Variants in AFG2A observed in about 807,000 individuals in gnomAD.
AFG2A encodes AAA ATPase AFG2A.
the AFG2A span, among the ~76,000 whole-genome samples, chr4:123,051,719 T>A: frequency 0.032 from 4,584 of 144,176 alleles, 143 homozygotes; most frequent in East Asian, 0.16. Context: ...CTGGGTACAC[T>A]ATTCTTCGTT....
chr4:123,234,043 C>T, the AFG2A span, among the ~76,000 whole-genome samples: 9 of 152,142 alleles, frequency 5.9e-5, no homozygotes, highest in African/African-American at 1.7e-4. Flanking sequence ...AATAAGCACA[C>T]GTCTTACATG....
the AFG2A span, among the ~76,000 whole-genome samples, chr4:123,034,787 T>C: frequency 6.6e-6 from 1 of 152,236 alleles, no homozygotes; most frequent in African/African-American, 2.4e-5. Context: ...TCTTAAACTT[T>C]GCTAAAAAAT....
chr4:123,126,785 A>G, the AFG2A span, among the ~76,000 whole-genome samples: 1 of 152,146 alleles, frequency 6.6e-6, no homozygotes, highest in Non-Finnish European at 1.5e-5. Context: ...AGTCAATTAA[A>G]CTTTTTTCCT....
the AFG2A span, among the ~76,000 whole-genome samples, chr4:123,156,021 T>A: frequency 1.3e-5 from 2 of 152,182 alleles, no homozygotes; most frequent in Non-Finnish European, 2.9e-5. Flanking sequence ...GCATGGCAGC[T>A]TCTACCTCTG....
the AFG2A span, chr4:122,935,729 G>C: frequency 6.2e-7 from 1 of 1,604,632 alleles, no homozygotes; most frequent in Non-Finnish European, 8.5e-7. Context: ...CCTGCCCCTA[G>C]AGGAGTGTTA....
the AFG2A span, chr4:122,947,296 G>A: frequency 3.7e-6 from 6 of 1,613,024 alleles, no homozygotes; most frequent in Non-Finnish European, 5.1e-6. Flanking sequence ...CTTGGATGCT[G>A]CTCTCCGAAG....
At chr4:123,033,891 G>A in the AFG2A span, among the ~76,000 whole-genome samples, 1 of 151,992 alleles carries the variant, frequency 6.6e-6, no homozygotes, top group Admixed American at 6.6e-5. Context: ...TTTTTGGGGG[G>A]CATAACTCCC....
the AFG2A span, among the ~76,000 whole-genome samples, chr4:123,214,345 C>T: frequency 3.3e-5 from 5 of 152,052 alleles, no homozygotes; most frequent in Admixed American, 3.3e-4. Flanking sequence ...TTAATGCCCT[C>T]AGTTGCTTTA....
At chr4:122,978,955 C>T in the AFG2A span, among the ~76,000 whole-genome samples, 5 of 152,156 alleles carry the variant, frequency 3.3e-5, no homozygotes, top group Non-Finnish European at 5.9e-5. Context: ...CCTGGGTTCT[C>T]GAGAGTGGAG....
At chr4:123,202,802 T>A in the AFG2A span, among the ~76,000 whole-genome samples, 1 of 152,194 alleles carries the variant, frequency 6.6e-6, no homozygotes, top group South Asian at 2.1e-4. Context: ...GATTCTCCCA[T>A]CTTCTTTTCT....
chr4:123,259,786 A>G, the AFG2A span, among the ~76,000 whole-genome samples: 1,512 of 152,338 alleles, frequency 9.9e-3, 26 homozygotes, highest in African/African-American at 0.033. Flanking sequence ...AAAAAGCAAT[A>G]ACTGGGCTCA....
At chr4:123,191,472 T>C in the AFG2A span, among the ~76,000 whole-genome samples, 1 of 152,042 alleles carries the variant, frequency 6.6e-6, no homozygotes, top group Non-Finnish European at 1.5e-5. Context: ...TGTAATTAGC[T>C]CATGTGAGTG....
At chr4:123,065,886 T>A in the AFG2A span, among the ~76,000 whole-genome samples, 2 of 152,178 alleles carry the variant, frequency 1.3e-5, no homozygotes, top group African/African-American at 4.8e-5. Flanking sequence ...TATTCTGTTT[T>A]GTAACACTAA....
chr4:123,190,340 T>C, the AFG2A span, among the ~76,000 whole-genome samples: 1 of 152,214 alleles, frequency 6.6e-6, no homozygotes, highest in South Asian at 2.1e-4. Context: ...GAAACATATG[T>C]GTCACATTTT....
the AFG2A span, among the ~76,000 whole-genome samples, chr4:123,175,954 A>T: frequency 6.6e-6 from 1 of 152,124 alleles, no homozygotes; most frequent in South Asian, 2.1e-4. Context: ...TAGCAAGAGG[A>T]TGTTAGGAGG....
chr4:123,253,717 T>G, the AFG2A span, among the ~76,000 whole-genome samples: 1 of 151,982 alleles, frequency 6.6e-6, no homozygotes, highest in African/African-American at 2.4e-5. Context: ...TCTTCTTAGG[T>G]AACTACCTAG....
the AFG2A span, among the ~76,000 whole-genome samples, chr4:123,026,321 A>G: frequency 6.6e-6 from 1 of 152,204 alleles, no homozygotes. Context: ...TTAAGTGGCC[A>G]AATATATACT....
the AFG2A span, among the ~76,000 whole-genome samples, chr4:123,138,739 A>G: frequency 2.0e-5 from 3 of 152,032 alleles, no homozygotes; most frequent in Non-Finnish European, 4.4e-5. Context: ...TTTTTAAGGT[A>G]ATATTTGGTA....
chr4:123,147,576 A>C, the AFG2A span, among the ~76,000 whole-genome samples: 1 of 152,202 alleles, frequency 6.6e-6, no homozygotes, highest in Non-Finnish European at 1.5e-5. Flanking sequence ...TACTTGAGGA[A>C]TATGATTAGA....
Sources: allele counts gnomAD v4.1 joint callset (sites outside exome capture counted in the v4.1 genomes callset), GRCh38; gene constraint gnomAD v4.1.1; transcripts MANE v1.5; gene names NCBI Gene and HGNC (gene_info 2026-07-23, HGNC 2026-07-21).